The following CSMD1 variants were observed in gnomAD, a reference collection of about 807,000 sequenced individuals.
The protein encoded by CSMD1 is CUB and Sushi multiple domains 1.
Under a neutral mutation model 417.5 loss-of-function variants are expected in CSMD1, and 213 were observed. The observed-to-expected ratio is 0.51, with a 90% CI of 0.46 to 0.57. The LOEUF (loss-of-function observed/expected upper bound fraction) is 0.57. Among genes scored for constraint, CSMD1 ranks in the 20% least tolerant of loss-of-function variants. CSMD1 has a pLI of 0.00. For missense variants in CSMD1, 6,923 were observed against 4,529.7 expected, an observed-to-expected ratio of 1.53 and a Z score of -15.17; for synonymous variants, 2,862 against 1,736.8, an observed-to-expected ratio of 1.65 and a Z score of -16.11.
intron 1 of CSMD1, among the ~76,000 whole-genome samples, chr8:4,853,248 G>A (rs1391650475): frequency 6.6e-6 from 1 of 152,132 alleles, no homozygotes; most frequent in Admixed American, 6.5e-5. Context: ...CTATGAGGCA[G>A]CCCTTCCCAT....
chr8:4,889,234 GAAAACACAA>G, intron 1 of CSMD1, among the ~76,000 whole-genome samples: 1 of 152,238 alleles, frequency 6.6e-6, no homozygotes, highest in Admixed American at 6.5e-5. Flanking sequence ...GAATGACTCT[GAAAACACAA>G]AATTAGTTCT....
At chr8:4,349,829 T>C (rs1285113768) in intron 3 of CSMD1, among the ~76,000 whole-genome samples, 1 of 152,088 alleles carries the variant, frequency 6.6e-6, no homozygotes, top group African/African-American at 2.4e-5. Context: ...CCTTTTTTTT[T>C]TTTTTTTAAG....
chr8:3,250,503 G>C (rs552360621), intron 26 of CSMD1, among the ~76,000 whole-genome samples: 3 of 152,178 alleles, frequency 2.0e-5, no homozygotes, highest in Non-Finnish European at 4.4e-5. Flanking sequence ...ATTGTGAATA[G>C]TGCCGCAATA....
At chr8:4,989,883 G>C (rs1811372265) in intron 1 of CSMD1, among the ~76,000 whole-genome samples, 1 of 152,172 alleles carries the variant, frequency 6.6e-6, no homozygotes, top group Non-Finnish European at 1.5e-5. Flanking sequence ...CATTTTTAAA[G>C]CTGGGTTGGT....
chr8:3,749,668 G>A (rs980991181), intron 6 of CSMD1, among the ~76,000 whole-genome samples: 1 of 152,112 alleles, frequency 6.6e-6, no homozygotes, highest in East Asian at 1.9e-4. Flanking sequence ...AAACAAAGAA[G>A]TTTCTCATAG....
chr8:3,491,677 T>G (rs1383424399), intron 11 of CSMD1, among the ~76,000 whole-genome samples: 2 of 152,188 alleles, frequency 1.3e-5, no homozygotes, highest in Non-Finnish European at 2.9e-5. Flanking sequence ...ACAGAACAGT[T>G]GGCTAGTGCT....
intron 1 of CSMD1, among the ~76,000 whole-genome samples, chr8:4,712,743 G>A (rs1259389986): frequency 2.6e-5 from 4 of 151,974 alleles, no homozygotes; most frequent in Non-Finnish European, 5.9e-5. Flanking sequence ...TGATATTAAA[G>A]GTGTTTTGTT....
At chr8:3,836,079 T>G (rs35958249) in intron 5 of CSMD1, among the ~76,000 whole-genome samples, 56,200 of 151,936 alleles carry the variant, frequency 0.37, 11,163 homozygotes, top group African/African-American at 0.52. Context: ...AATTTCTTAA[T>G]TATCTTTTTA....
At chr8:3,239,423 C>A (rs1301626371) in intron 26 of CSMD1, among the ~76,000 whole-genome samples, 1 of 151,942 alleles carries the variant, frequency 6.6e-6, no homozygotes, top group African/African-American at 2.4e-5. Context: ...CTTCTTAGAC[C>A]CTGTGGGAAA....
chr8:4,099,914 AC>A (rs1801218594), intron 3 of CSMD1, among the ~76,000 whole-genome samples: 2 of 152,194 alleles, frequency 1.3e-5, no homozygotes, highest in Admixed American at 6.5e-5. Flanking sequence ...GACTTTTCTA[AC>A]AAAAAATCAA....
intron 4 of CSMD1, among the ~76,000 whole-genome samples, chr8:3,999,535 G>T (rs749695423): frequency 5.3e-5 from 8 of 152,106 alleles, no homozygotes; most frequent in Non-Finnish European, 1.0e-4. Flanking sequence ...GGGTGATATA[G>T]GTCCCTTCAA....
rs79211870 is a variant in CSMD1, at chr8:4,548,942, C to T, written c.302+88400G>A. On this transcript the variant is annotated intron_variant, in intron 2 of 69. Transcript: ENST00000635120. ...AATTTCTCTTACCTCCATATTTGAT[C>T]TATCTAAGTTAATTTTGCATAAAGT... 2.7e-3 allele frequency among the ~76,000 whole-genome samples: 416 copies of T among 152,220 alleles called. 1 individual carries two copies. The highest frequency in any genetic ancestry group is 4.5e-3 in the Non-Finnish European group (309 of 67,988).
chr8:3,806,260 G>C (rs115465302), intron 5 of CSMD1, among the ~76,000 whole-genome samples: 1 of 152,104 alleles, frequency 6.6e-6, no homozygotes, highest in Non-Finnish European at 1.5e-5. Flanking sequence ...TTCACAGTAG[G>C]ATGGAAGGCC....
chr8:3,347,923 AAATAGATAGACAATGTATTTTTTGAG>A (rs1480806034), intron 22 of CSMD1, 43 bp downstream of exon 22: 1 of 1,104,756 alleles, frequency 9.1e-7, no homozygotes, highest in Non-Finnish European at 1.3e-6. Context: ...ATATGTAGAA[AAATAGATAGACAATGTATTTTTTGAG>A]AAGAAAACTT....
intron 1 of CSMD1, among the ~76,000 whole-genome samples, chr8:4,855,888 C>T (rs1057280951): frequency 3.3e-5 from 5 of 149,938 alleles, no homozygotes; most frequent in African/African-American, 4.9e-5. Flanking sequence ...GGCAGGCCAA[C>T]GTTCAGATTC....
At chr8:4,844,232 G>C (rs562428724) in intron 1 of CSMD1, among the ~76,000 whole-genome samples, 66 of 152,198 alleles carry the variant, frequency 4.3e-4, no homozygotes, top group African/African-American at 1.5e-3. Flanking sequence ...CAAGTAGTAA[G>C]GTTACATTTT....
intron 1 of CSMD1, among the ~76,000 whole-genome samples, chr8:4,838,781 T>G (rs568272306): frequency 3.3e-5 from 5 of 152,304 alleles, no homozygotes; most frequent in Admixed American, 6.5e-5. Flanking sequence ...CACCCAGAGT[T>G]TGGTCGGAAC....
chr8:4,493,137 G>C (rs1801793591), intron 2 of CSMD1, among the ~76,000 whole-genome samples: 2 of 152,122 alleles, frequency 1.3e-5, no homozygotes, highest in African/African-American at 2.4e-5. Context: ...ACCGTAAGAA[G>C]ACTAGATTTT....
intron 3 of CSMD1, among the ~76,000 whole-genome samples, chr8:4,353,615 G>C (rs746399228): frequency 2.0e-5 from 3 of 151,732 alleles, no homozygotes; most frequent in Non-Finnish European, 4.4e-5. Context: ...GGCAACTAAA[G>C]AGCAGAGTCA....
Sources: gnomAD v4.1 joint callset for allele counts (sites outside exome capture counted in the v4.1 genomes callset) on GRCh38, gnomAD v4.1.1 for gene constraint, MANE v1.5 for transcripts, NCBI Gene and HGNC (gene_info 2026-07-23, HGNC 2026-07-21) for gene names.